The following ANO2 variants were observed in gnomAD, a reference collection of about 807,000 sequenced individuals.
The protein encoded by ANO2 is anoctamin-2.
In ANO2, 101 loss-of-function variants were observed where a neutral mutation model predicts 124.2. The observed-to-expected ratio is 0.81, with a 90% CI of 0.69 to 0.96. The LOEUF is 0.96. ANO2 is among the 40% of genes least tolerant of loss of function. The pLI, the probability that ANO2 is intolerant of heterozygous loss-of-function variation, is 0.00. For missense variants in ANO2, 1,293 were observed against 1,274.5 expected (o/e 1.01, Z -0.22); for synonymous variants, 486 against 482.5 (o/e 1.01, Z -0.09).
chr12:5,703,870 G>A (rs1233070047), intron 14 of ANO2, among the ~76,000 whole-genome samples: 1 of 152,036 alleles, frequency 6.6e-6, no homozygotes, highest in Non-Finnish European at 1.5e-5. Flanking sequence ...ACTTTTCTGT[G>A]TATACAAAAT....
At chr12:5,857,004 T>C (rs1434293041) in intron 3 of ANO2, among the ~76,000 whole-genome samples, 1 of 152,180 alleles carries the variant, frequency 6.6e-6, no homozygotes, top group African/African-American at 2.4e-5. Flanking sequence ...TATTGTTACC[T>C]TCTCATAAAA....
rs775929956 is a variant in ANO2 at position 5,744,208 on chromosome 12, G to T, written c.1300C>A (p.Leu434Met). The change falls in exon 12 of 25, where the codon CTG (leucine) becomes ATG (methionine). Residue 434 changes from leucine (L) to methionine (M), a missense_variant. By Grantham distance (15) the Leu-to-Met change is conservative. Transcript: ENST00000682330. ...SACGTAQASH[L>M]FDNPATVFFS... Reference sequence around the variant, plus strand: ...AAGACGGTGGCAGGGTTGTCAAACAGGTGGCTGGCCTGCGCGGTCCCACAG... The same window carrying T: ...AAGACGGTGGCAGGGTTGTCAAACATGTGGCTGGCCTGCGCGGTCCCACAG... 6.2e-7 allele frequency: 1 copy of T among 1,613,050 alleles called. No individual in the cohort carries two copies. The highest frequency in any genetic ancestry group is 1.1e-5 in the South Asian group (1 of 91,078).
intron 3 of ANO2, among the ~76,000 whole-genome samples, chr12:5,912,436 G>T (rs924140400): frequency 6.6e-6 from 1 of 152,168 alleles, no homozygotes; most frequent in Non-Finnish European, 1.5e-5. Flanking sequence ...GGGGAGGTTG[G>T]GGTGGGGGGA....
At chr12:5,846,320 A>G (rs28399797) in intron 4 of ANO2, among the ~76,000 whole-genome samples, 27,043 of 152,182 alleles carry the variant, frequency 0.18, 2,729 homozygotes, top group Non-Finnish European at 0.21. Context: ...AGACATGCCA[A>G]GGTCACGTAG....
chr12:5,572,300 C>T (rs1045781880), intron 23 of ANO2, among the ~76,000 whole-genome samples: 1 of 152,202 alleles, frequency 6.6e-6, no homozygotes, highest in Non-Finnish European at 1.5e-5. Flanking sequence ...CTACCTGACA[C>T]ACCCCTTGCT....
chr12:5,704,377 A>G (rs1949521348), intron 14 of ANO2, among the ~76,000 whole-genome samples: 1 of 152,144 alleles, frequency 6.6e-6, no homozygotes. Context: ...CCCTGGTGAG[A>G]GCAACTCGTT....
chr12:5,692,654 C>A (rs1266735031), intron 14 of ANO2, among the ~76,000 whole-genome samples: 1 of 152,110 alleles, frequency 6.6e-6, no homozygotes, highest in African/African-American at 2.4e-5. Context: ...TGCCATGTAC[C>A]TGCCATGCAG....
intron 19 of ANO2, among the ~76,000 whole-genome samples, chr12:5,605,374 T>C (rs1221943631): frequency 6.6e-6 from 1 of 152,162 alleles, no homozygotes; most frequent in Non-Finnish European, 1.5e-5. Context: ...AAGCAGAAAG[T>C]TTATGAAATC....
At chr12:5,808,033 G>C (rs1387484796) in intron 7 of ANO2, among the ~76,000 whole-genome samples, 1 of 152,218 alleles carries the variant, frequency 6.6e-6, no homozygotes, top group Non-Finnish European at 1.5e-5. Context: ...CATCCCCTAT[G>C]GCTAATGGCA....
intron 3 of ANO2, among the ~76,000 whole-genome samples, chr12:5,874,620 C>T (rs1018259890): frequency 2.0e-5 from 3 of 152,192 alleles, no homozygotes; most frequent in South Asian, 4.1e-4. Context: ...CCAAGCACCC[C>T]GTGCCTCATG....
intron 3 of ANO2, among the ~76,000 whole-genome samples, chr12:5,865,378 C>A (rs1237650853): frequency 1.3e-5 from 2 of 151,148 alleles, no homozygotes; most frequent in East Asian, 3.9e-4. Context: ...TTCAAACCAT[C>A]ATGCCATCAC....
rs1250001437 is a variant in ANO2 at position 5,769,060 on chromosome 12, C to T, written c.1056-18090G>A. ...TATGTCCTGACAGCTGGAAACAACA[C>T]AGCAAATGGGATGAGAACTGCTCAA... On this transcript the variant is annotated intron_variant, in intron 10 of 24. Transcript: ENST00000682330. This position sits in a 1 kb window ranked among gnomAD's most constrained non-coding sequence, Gnocchi z 4.0. 1.3e-5 allele frequency among the ~76,000 whole-genome samples: 2 copies of T among 152,166 alleles called. No individual in the cohort carries two copies. The highest frequency in any genetic ancestry group is 4.8e-5 in the African/African-American group (2 of 41,440).
intron 11 of ANO2, among the ~76,000 whole-genome samples, chr12:5,748,732 C>G (rs924432848): frequency 1.3e-5 from 2 of 151,946 alleles, no homozygotes; most frequent in South Asian, 2.1e-4. Context: ...TCCCTCATGC[C>G]TCATGCTAGA....
chr12:5,931,057 C>T (rs918108082), intron 1 of ANO2, among the ~76,000 whole-genome samples: 2 of 152,180 alleles, frequency 1.3e-5, no homozygotes. Context: ...TTGCTTCTCT[C>T]TCATCCTGGG....
chr12:5,731,236 T>C (rs1950619836), intron 14 of ANO2, among the ~76,000 whole-genome samples: 1 of 152,204 alleles, frequency 6.6e-6, no homozygotes, highest in Admixed American at 6.5e-5. Flanking sequence ...GCGGTGATGA[T>C]TAGTCTTTCC....
chr12:5,762,637 C>T (rs1052596586), intron 10 of ANO2, among the ~76,000 whole-genome samples: 6 of 151,616 alleles, frequency 4.0e-5, no homozygotes, highest in Non-Finnish European at 7.4e-5. Flanking sequence ...ATAGATAAAA[C>T]TTAATGATGA....
chr12:5,829,937 C>T (rs1954097327), intron 6 of ANO2, among the ~76,000 whole-genome samples: 1 of 152,146 alleles, frequency 6.6e-6, no homozygotes, highest in African/African-American at 2.4e-5. Flanking sequence ...GGCTAACTAG[C>T]ATTCCTTGTT....
chr12:5,709,188 C>G (rs1217672215), intron 14 of ANO2, among the ~76,000 whole-genome samples: 1 of 152,220 alleles, frequency 6.6e-6, no homozygotes, highest in East Asian at 1.9e-4. Flanking sequence ...TGCTGTCCCA[C>G]AGAGCTCGAT....
At chr12:5,845,296 T>C (rs542313285) in intron 4 of ANO2, among the ~76,000 whole-genome samples, 2 of 150,362 alleles carry the variant, frequency 1.3e-5, no homozygotes, top group Admixed American at 6.6e-5. Flanking sequence ...GGCCTGGCAC[T>C]GTGGCTCACG....
Sources: gnomAD v4.1 joint callset for allele counts (sites outside exome capture counted in the v4.1 genomes callset) on GRCh38, gnomAD v4.1.1 for gene constraint, Gnocchi (gnomAD v3.1) non-coding constraint, MANE v1.5 for transcripts, NCBI Gene and HGNC (gene_info 2026-07-23, HGNC 2026-07-21) for gene names.